The following CSNK1A1 variants were observed in gnomAD, a reference collection of about 807,000 sequenced individuals.
The protein encoded by CSNK1A1 is casein kinase I isoform alpha.
A neutral mutation model predicts 46.1 loss-of-function variants in CSNK1A1; 7 were observed. The ratio of observed to expected loss-of-function variants is 0.15; its 90% CI spans 0.09 to 0.29. CSNK1A1 has a LOEUF of 0.29. CSNK1A1 is among the 10% of genes least tolerant of loss of function. The pLI is 1.00. For missense variants in CSNK1A1, 96 were observed against 417.1 expected, an observed-to-expected ratio of 0.23 and a Z score of 6.71; for synonymous variants, 137 against 141.5, an observed-to-expected ratio of 0.97 and a Z score of 0.23.
At chr5:149,502,921 A>G in intron 9 of CSNK1A1, 1 of 582,098 alleles carries the variant, frequency 1.7e-6, no homozygotes. Flanking sequence ...GGTGCACGCC[A>G]CCACACCTGG....
At chr5:149,520,882 TA>T (rs1761547544) in intron 3 of CSNK1A1, among the ~76,000 whole-genome samples, 1 of 152,220 alleles carries the variant, frequency 6.6e-6, no homozygotes, top group Non-Finnish European at 1.5e-5. Flanking sequence ...GATTAAGCTA[TA>T]AGTAGTTGTT....
At chr5:149,501,978 T>C in intron 9 of CSNK1A1, 2 of 937,868 alleles carry the variant, frequency 2.1e-6, no homozygotes, top group Non-Finnish European at 2.5e-6. Flanking sequence ...CTAGTATAGA[T>C]AATAAGTGGC....
At chr5:149,520,753 A>G (rs576251170) in intron 3 of CSNK1A1, among the ~76,000 whole-genome samples, 48 of 152,362 alleles carry the variant, frequency 3.2e-4, no homozygotes, top group African/African-American at 1.2e-3. Context: ...TAGGCCTTCT[A>G]AAGTAACCTG....
chr5:149,528,977 T>C lies in CSNK1A1; in HGVS notation c.231-3806A>G, dbSNP rs573771928. On this transcript the variant is annotated intron_variant, in intron 2 of 9. Transcript: ENST00000377843. ...GAAACACAGGTCTTACCTTTAGACA[T>C]TTTTAAGTACAAGACGTGTTGCTAC... Among the ~76,000 whole-genome samples the C allele has an allele frequency of 2.9e-4, 44 of 152,322 alleles. 1 individual carries two copies. In the South Asian group the frequency reaches 8.1e-3, roughly 28 times the overall value.
Position 149,551,078 on chromosome 5 carries a change from A to G in CSNK1A1, c.-114T>C, listed in dbSNP as rs1179093485. 25 of 1,186,338 alleles carry G rather than the reference A, an allele frequency of 2.1e-5. No homozygotes were observed. In the East Asian group the frequency reaches 5.5e-4, roughly 26 times the overall value. The allele number at this position is 1,186,338 out of a possible 1,614,324, so 73.5% of individuals were successfully genotyped here. ...TACGGAGGAGGGCGGCAGGAAACGG[A>G]ACACGGAGGCCTTTACCGGGGTTCG... On this transcript the variant is annotated 5_prime_UTR_variant, in exon 1 of 10. Coordinates refer to ENST00000377843, the MANE Select transcript of CSNK1A1 (RefSeq NM_001892.6).
chr5:149,506,897 G>T, intron 8 of CSNK1A1, 130 bp downstream of exon 8: 1 of 689,914 alleles, frequency 1.4e-6, no homozygotes, highest in Non-Finnish European at 2.3e-6. Context: ...AAATAAATCA[G>T]TTTCTGAAAC....
intron 2 of CSNK1A1, among the ~76,000 whole-genome samples, chr5:149,532,622 G>A (rs188666368): frequency 6.6e-6 from 1 of 151,988 alleles, no homozygotes; most frequent in Admixed American, 6.6e-5. Flanking sequence ...CTGGGAGGCA[G>A]GAGATGCAGT....
In CSNK1A1 at chr5:149,517,736, T is replaced by A; in HGVS notation, c.456+2554A>T. ...AACAAAAATCATCAAAATAAAACAA[T>A]AAAAAAGAAAAGCACATGAATTTGG... On this transcript the variant is annotated intron_variant, in intron 4 of 9. Coordinates refer to ENST00000377843, the MANE Select transcript of CSNK1A1 (RefSeq NM_001892.6). This position sits in a 1 kb window ranked among gnomAD's most constrained non-coding sequence, Gnocchi z 4.4. The A allele has an allele frequency of 9.0e-7, 1 of 1,109,570 alleles. No homozygotes were observed. The highest frequency in any genetic ancestry group is 1.3e-6 in the Non-Finnish European group (1 of 753,318). 68.7% of individuals were successfully genotyped at this position (1,109,570 alleles called of 1,614,324 possible). A position where few individuals can be genotyped will look rare whatever the true frequency, so the allele number is the denominator to read the frequency against.
chr5:149,547,867 GTTGTGTTTTT>G (rs536144945), intron 2 of CSNK1A1, among the ~76,000 whole-genome samples: 212 of 146,040 alleles, frequency 1.5e-3, no homozygotes, highest in Middle Eastern at 3.5e-3. Flanking sequence ...TTTTTTTTTT[GTTGTGTTTTT>G]TTGTGTTTTT....
intron 2 of CSNK1A1, among the ~76,000 whole-genome samples, chr5:149,534,672 T>C (rs763914533): frequency 6.6e-6 from 1 of 152,002 alleles, no homozygotes; most frequent in Non-Finnish European, 1.5e-5. Flanking sequence ...AGCTCACACC[T>C]GTAATCCCAA....
In CSNK1A1 at chr5:149,495,255, C is replaced by T. The variant is rs1760619225; in HGVS notation, c.*1598G>A. On this transcript the variant is annotated 3_prime_UTR_variant, in exon 10 of 10. Transcript: ENST00000377843. The stretch of plus-strand genomic sequence containing the variant: ...AAAACAAAACAAATTAAACTTGACA[C>T]AATCTGACCAAACACGTGTCAATTT... 6.6e-6 allele frequency: 1 copy of T among 152,124 alleles called. No homozygotes were observed. Among genetic ancestry groups the T allele is most frequent in the African/African-American group, 2.4e-5 (1 of 41,426 alleles). The allele number at this position is 152,124 out of a possible 1,614,324, so 9.4% of individuals were successfully genotyped here. A position where few individuals can be genotyped will look rare whatever the true frequency, so the allele number is the denominator to read the frequency against.
intron 2 of CSNK1A1, among the ~76,000 whole-genome samples, chr5:149,544,758 T>TATATATATATATATATACACACAC (rs150989849): frequency 7.7e-6 from 1 of 129,284 alleles, no homozygotes; most frequent in African/African-American, 3.2e-5. Flanking sequence ...TATATATATA[T>TATATATATATATATATACACACAC]ATATATAGTT....
chr5:149,529,343 T>C (rs1362595626), intron 2 of CSNK1A1, among the ~76,000 whole-genome samples: 4 of 152,234 alleles, frequency 2.6e-5, no homozygotes, highest in African/African-American at 9.6e-5. Flanking sequence ...AGGCAAGGTC[T>C]ATCTCTCTGC....
intron 2 of CSNK1A1, among the ~76,000 whole-genome samples, chr5:149,542,830 G>T (rs1160269843): frequency 6.7e-6 from 1 of 148,314 alleles, no homozygotes; most frequent in Admixed American, 6.8e-5. Context: ...CAAGTAGCTG[G>T]GACTACAGGC....
chr5:149,505,403 T>C (rs761830529), intron 9 of CSNK1A1, 44 bp downstream of exon 9: 1 of 1,581,784 alleles, frequency 6.3e-7, no homozygotes. Context: ...CAATTTTGTA[T>C]TCAATTTTTT....
At chr5:149,503,241 G>A (rs1331946732) in intron 9 of CSNK1A1, 2 of 985,294 alleles carry the variant, frequency 2.0e-6, no homozygotes, top group Non-Finnish European at 2.4e-6. Context: ...AGAAGTTAGG[G>A]GAATATGTTC....
At chr5:149,535,569 A>G (rs1015506966) in intron 2 of CSNK1A1, among the ~76,000 whole-genome samples, 23 of 152,238 alleles carry the variant, frequency 1.5e-4, no homozygotes, top group Non-Finnish European at 3.1e-4. Context: ...AAAGAAAAAA[A>G]GAAATCAAAC....
rs1761425788 is a variant in CSNK1A1, at chr5:149,517,069, G to C, written c.456+3221C>G. Among the ~76,000 whole-genome samples the C allele has an allele frequency of 1.3e-5, 2 of 152,110 alleles. No individual in the cohort carries two copies. The highest frequency in any genetic ancestry group is 1.3e-4 in the Admixed American group (2 of 15,274). On this transcript the variant is annotated intron_variant, in intron 4 of 9. Transcript: ENST00000377843. This position sits in a 1 kb window ranked among gnomAD's most constrained non-coding sequence, Gnocchi z 4.4. ...ACAAAAGTGTAACAAAATATGAAGA[G>C]TTCTACTTACAAATTTAGAAAATTA...
At chr5:149,545,765 TG>T in intron 2 of CSNK1A1, 1 of 622,394 alleles carries the variant, frequency 1.6e-6, no homozygotes. Flanking sequence ...TTTTCAGGAC[TG>T]GTTGTGTGTG....
Sources: allele counts gnomAD v4.1 joint callset (sites outside exome capture counted in the v4.1 genomes callset), GRCh38; gene constraint gnomAD v4.1.1; non-coding constraint Gnocchi (gnomAD v3.1); transcripts MANE v1.5; gene names NCBI Gene and HGNC (gene_info 2026-07-23, HGNC 2026-07-21).